SCMH1: variants seen among roughly 807,000 people sequenced by gnomAD.
The protein encoded by SCMH1 is polycomb protein SCMH1.
A neutral mutation model predicts 70.8 loss-of-function variants in SCMH1; 37 were observed. The observed-to-expected ratio is 0.52, with a 90% CI of 0.40 to 0.69. SCMH1 has a LOEUF of 0.69. Among genes scored for constraint, SCMH1 ranks in the 30% least tolerant of loss-of-function variants. SCMH1 has a pLI of 0.00. For synonymous variants in SCMH1, 292 were observed against 307.4 expected, an observed-to-expected ratio of 0.95 and a Z score of 0.52; for missense variants, 607 against 827.3, an observed-to-expected ratio of 0.73 and a Z score of 3.27.
At chr1:41,172,583 A>C (rs554594309) in intron 2 of SCMH1, among the ~76,000 whole-genome samples, 11 of 152,240 alleles carry the variant, frequency 7.2e-5, no homozygotes, top group South Asian at 4.2e-4. Context: ...AGAAAAAAAA[A>C]CCCTAAAATT....
intron 4 of SCMH1, 96 bp downstream of exon 4, chr1:41,160,779 T>G (rs906627458): frequency 2.5e-5 from 28 of 1,133,304 alleles, no homozygotes; most frequent in Admixed American, 4.0e-5. Flanking sequence ...CAGAGACACG[T>G]GGAATTCTTT....
intron 8 of SCMH1, among the ~76,000 whole-genome samples, chr1:41,091,018 G>A (rs1413317325): frequency 5.6e-5 from 8 of 143,080 alleles, no homozygotes; most frequent in African/African-American, 1.3e-4. Context: ...CGGCCTGGGC[G>A]AAAGAGCGAG....
At chr1:41,109,283 TTAAA>T (rs1668697301) in intron 8 of SCMH1, among the ~76,000 whole-genome samples, 1 of 152,276 alleles carries the variant, frequency 6.6e-6, no homozygotes, top group African/African-American at 2.4e-5. Context: ...TAAAGGAACA[TTAAA>T]TAAATATTGG....
intron 8 of SCMH1, among the ~76,000 whole-genome samples, chr1:41,111,052 T>C (rs1669130372): frequency 6.6e-6 from 1 of 152,240 alleles, no homozygotes; most frequent in Non-Finnish European, 1.5e-5. Flanking sequence ...TTGAGCATCT[T>C]AAGTGCTTAT....
At chr1:41,146,219 A>T (rs993928055) in intron 5 of SCMH1, among the ~76,000 whole-genome samples, 1 of 143,290 alleles carries the variant, frequency 7.0e-6, no homozygotes, top group Non-Finnish European at 1.5e-5. Context: ...TTTAAAAGGT[A>T]AAAAAAAAAA....
chr1:41,237,278 C>G (rs913452809), intron 1 of SCMH1, among the ~76,000 whole-genome samples: 1 of 152,110 alleles, frequency 6.6e-6, no homozygotes, highest in Non-Finnish European at 1.5e-5. Flanking sequence ...TTGTATGTTT[C>G]TTAACCTCAC....
At chr1:41,228,520 C>A (rs1009231420) in intron 1 of SCMH1, among the ~76,000 whole-genome samples, 1 of 152,022 alleles carries the variant, frequency 6.6e-6, no homozygotes, top group Admixed American at 6.6e-5. Flanking sequence ...CAGTGGCTCA[C>A]GCCTGTAATC....
At chr1:41,195,131 CAAAAAAAAA>C (rs35569635) in intron 1 of SCMH1, among the ~76,000 whole-genome samples, 38 of 26,246 alleles carry the variant, frequency 1.4e-3, no homozygotes, top group African/African-American at 5.6e-3. Context: ...AACTCTCTCT[CAAAAAAAAA>C]AAAAAAAAAA....
intron 4 of SCMH1, among the ~76,000 whole-genome samples, chr1:41,157,583 G>A (rs889246442): frequency 1.3e-5 from 2 of 152,188 alleles, no homozygotes; most frequent in African/African-American, 2.4e-5. Context: ...AGGTGTTTTC[G>A]AAGGTCCAGG....
intron 8 of SCMH1, among the ~76,000 whole-genome samples, chr1:41,088,467 A>G (rs1662369867): frequency 6.6e-6 from 1 of 152,160 alleles, no homozygotes; most frequent in Non-Finnish European, 1.5e-5. Context: ...AATAAACTCA[A>G]CTATATTTTA....
At chr1:41,241,876 G>C (rs1187606203) in intron 1 of SCMH1, among the ~76,000 whole-genome samples, 183 bp downstream of exon 1, 1 of 151,664 alleles carries the variant, frequency 6.6e-6, no homozygotes, top group Non-Finnish European at 1.5e-5. Flanking sequence ...TGACACGGCC[G>C]AGAAAGGGCC....
At chr1:41,034,453 G>C (rs1475837916) in intron 13 of SCMH1, among the ~76,000 whole-genome samples, 4 of 151,556 alleles carry the variant, frequency 2.6e-5, no homozygotes, top group Non-Finnish European at 5.9e-5. Flanking sequence ...TCAGCCTCCT[G>C]AGTAGCTGGG....
At chr1:41,212,193 A>G (rs1411205171) in intron 1 of SCMH1, among the ~76,000 whole-genome samples, 1 of 152,164 alleles carries the variant, frequency 6.6e-6, no homozygotes, top group South Asian at 2.1e-4. Flanking sequence ...CAAGTCGGGC[A>G]CTTTAGTATT....
At chr1:41,067,146 A>T (rs1409042890) in intron 10 of SCMH1, among the ~76,000 whole-genome samples, 1 of 151,650 alleles carries the variant, frequency 6.6e-6, no homozygotes, top group Non-Finnish European at 1.5e-5. Context: ...TTCAGTGCTA[A>T]AAAAAAATGA....
At chr1:41,085,821 A>T (rs2148981054) in intron 8 of SCMH1, among the ~76,000 whole-genome samples, 1 of 150,546 alleles carries the variant, frequency 6.6e-6, no homozygotes, top group Admixed American at 6.7e-5. Context: ...ATATAGTATT[A>T]AAATTAATTT....
chr1:41,188,259 A>G (rs551774451), intron 1 of SCMH1, among the ~76,000 whole-genome samples: 1 of 152,348 alleles, frequency 6.6e-6, no homozygotes, highest in African/African-American at 2.4e-5. Flanking sequence ...CCTCCAGAGT[A>G]GCTGGGATTA....
At chr1:41,180,222 G>A (rs1238698405) in intron 2 of SCMH1, among the ~76,000 whole-genome samples, 1 of 151,998 alleles carries the variant, frequency 6.6e-6, no homozygotes, top group African/African-American at 2.4e-5. Context: ...TCTCAAAATA[G>A]TAAGAGCTAT....
At chr1:41,105,206 C>A (rs1667604731) in intron 8 of SCMH1, among the ~76,000 whole-genome samples, 1 of 151,992 alleles carries the variant, frequency 6.6e-6, no homozygotes. Flanking sequence ...TCAGGTGATC[C>A]ACCTGTCTCA....
At chr1:41,120,869 G>A (rs928885885) in intron 6 of SCMH1, among the ~76,000 whole-genome samples, 3 of 152,156 alleles carry the variant, frequency 2.0e-5, no homozygotes. Flanking sequence ...ATTACACTAT[G>A]TTTATTACAC....
Sources: allele counts gnomAD v4.1 joint callset (sites outside exome capture counted in the v4.1 genomes callset), GRCh38; gene constraint gnomAD v4.1.1; transcripts MANE v1.5; gene names NCBI Gene and HGNC (gene_info 2026-07-23, HGNC 2026-07-21).